Variants in MYRIP observed in about 807,000 individuals in gnomAD.
MYRIP encodes the protein rab effector MyRIP.
Under a neutral mutation model 98.0 loss-of-function variants are expected in MYRIP, and 49 were observed. That is an observed-to-expected ratio of 0.50 (90% confidence interval 0.40 to 0.63). The LOEUF (loss-of-function observed/expected upper bound fraction) is 0.63. Ranked by LOEUF, MYRIP falls within the 30% of genes least tolerant of loss-of-function variation. The pLI is 0.00. For missense variants in MYRIP, 1,004 were observed against 1,058.2 expected (o/e 0.95, Z 0.71); for synonymous variants, 404 against 409.5 (o/e 0.99, Z 0.16).
At chr3:39,969,956 T>C (rs1036506136) in intron 2 of MYRIP, among the ~76,000 whole-genome samples, 5 of 152,170 alleles carry the variant, frequency 3.3e-5, no homozygotes, top group African/African-American at 1.2e-4. Context: ...TCCCAGGCTT[T>C]TTTTGGTTGG....
intron 1 of MYRIP, among the ~76,000 whole-genome samples, chr3:39,847,874 CAGTCTTTCTCTG>C (rs553812380): frequency 2.5e-3 from 377 of 152,266 alleles, no homozygotes; most frequent in African/African-American, 8.6e-3. Context: ...CCCTGAATCC[CAGTCTTTCTCTG>C]AGTCTTTCTC....
At chr3:39,985,288 C>G (rs1946005214) in intron 2 of MYRIP, among the ~76,000 whole-genome samples, 1 of 141,032 alleles carries the variant, frequency 7.1e-6, no homozygotes, top group South Asian at 2.4e-4. Flanking sequence ...CTACAAACCA[C>G]TGCTCAAGGA....
At position 40,084,780 on chromosome 3, in the gene MYRIP, GTGTTACATGTCGATAGATAATATA is replaced by G. The variant is rs1559394175; in HGVS notation, c.332+40511_332+40534del. 1.4e-3 allele frequency among the ~76,000 whole-genome samples: 52 copies of G among 37,042 alleles called. 20 individuals are homozygous for G. The highest frequency in any genetic ancestry group is 1.6e-3 in the Non-Finnish European group (25 of 15,618). The allele number at this position is 37,042 out of a possible 152,430, so 24.3% of individuals were successfully genotyped here. ...TTACATGTCGATAGATAATATATAT[GTGTTACATGTCGATAGATAATATA>G]TATCTATGTGTTACATGTCGATAGA... On this transcript the variant is annotated intron_variant, in intron 3 of 16. Transcript: ENST00000302541.
At chr3:40,257,462 C>A (rs1953633907) in intron 16 of MYRIP, among the ~76,000 whole-genome samples, 1 of 152,062 alleles carries the variant, frequency 6.6e-6, no homozygotes, top group Admixed American at 6.6e-5. Context: ...TTGGTGATGA[C>A]CTTGAGCAGT....
At chr3:39,967,436 T>C (rs1439576294) in intron 2 of MYRIP, among the ~76,000 whole-genome samples, 2 of 152,144 alleles carry the variant, frequency 1.3e-5, no homozygotes, top group African/African-American at 4.8e-5. Context: ...TTTAGGGCTG[T>C]ATATTATTTC....
chr3:39,847,732 T>A (rs1253587403), intron 1 of MYRIP, among the ~76,000 whole-genome samples: 1 of 152,200 alleles, frequency 6.6e-6, no homozygotes, highest in Non-Finnish European at 1.5e-5. Context: ...ACTCATTCCT[T>A]CTTTTGTATG....
intron 12 of MYRIP, 152 bp downstream of exon 12, chr3:40,234,205 GTTGGAT>G (rs1390730347): frequency 6.7e-5 from 55 of 820,972 alleles, no homozygotes; most frequent in African/African-American, 9.0e-5. Flanking sequence ...AGGACCTTAG[GTTGGAT>G]TCCCCAGAAG....
At position 39,844,859 on chromosome 3, in the gene MYRIP, G is replaced by A. The variant is rs115142334; in HGVS notation, c.-31+34943G>A. On this transcript the variant is annotated intron_variant, in intron 1 of 16. Coordinates refer to ENST00000302541, the MANE Select transcript of MYRIP (RefSeq NM_015460.4). ...AGACACTTTACAAATCATTGGATCC[G>A]TTGGGTTATGCATACGGGACAGAGC... is the stretch of plus-strand genomic sequence containing the variant. Among the ~76,000 whole-genome samples the A allele has an allele frequency of 5.5e-3, 845 of 152,294 alleles. 5 individuals are homozygous for A. The highest frequency in any genetic ancestry group is 0.019 in the African/African-American group (797 of 41,552).
chr3:40,041,429 C>G (rs538799378), intron 2 of MYRIP, among the ~76,000 whole-genome samples: 2 of 149,628 alleles, frequency 1.3e-5, no homozygotes, highest in Admixed American at 1.4e-4. Flanking sequence ...CTGATTACGA[C>G]GCACTGACGA....
chr3:39,845,908 C>G (rs1370860493), intron 1 of MYRIP, among the ~76,000 whole-genome samples: 1 of 147,286 alleles, frequency 6.8e-6, no homozygotes, highest in Admixed American at 6.7e-5. Flanking sequence ...ACTGAATGAA[C>G]AGGTAAAAAC....
chr3:40,021,382 C>G (rs577404946), intron 2 of MYRIP, among the ~76,000 whole-genome samples: 7 of 152,234 alleles, frequency 4.6e-5, no homozygotes, highest in Non-Finnish European at 1.0e-4. Context: ...ATATTCTCTT[C>G]TAGATGGATT....
chr3:40,093,714 G>C (rs1055780368), intron 3 of MYRIP, among the ~76,000 whole-genome samples: 8 of 152,154 alleles, frequency 5.3e-5, no homozygotes, highest in African/African-American at 1.9e-4. Context: ...GAGGCACCAA[G>C]CTGGTCATAG....
intron 3 of MYRIP, among the ~76,000 whole-genome samples, chr3:40,146,382 A>G (rs1176166189): frequency 6.6e-6 from 1 of 152,228 alleles, no homozygotes; most frequent in African/African-American, 2.4e-5. Flanking sequence ...GTTTGTTAAA[A>G]GACAGTGTGA....
chr3:40,061,633 G>A (rs1354300458), intron 3 of MYRIP, among the ~76,000 whole-genome samples: 1 of 152,192 alleles, frequency 6.6e-6, no homozygotes, highest in Non-Finnish European at 1.5e-5. Context: ...TGGTAGTTCT[G>A]TTTTTAGTTC....
chr3:40,140,870 A>T (rs183172440), intron 3 of MYRIP, among the ~76,000 whole-genome samples: 37 of 152,266 alleles, frequency 2.4e-4, no homozygotes, highest in Non-Finnish European at 4.4e-4. Flanking sequence ...AAAAATGGAG[A>T]TCCATCCCCT....
intron 2 of MYRIP, among the ~76,000 whole-genome samples, chr3:40,003,286 AG>A (rs1946563179): frequency 2.0e-5 from 3 of 152,148 alleles, no homozygotes; most frequent in Admixed American, 2.0e-4. Flanking sequence ...GCCCCCTGTG[AG>A]GTGTCTTCAA....
At chr3:40,056,333 T>C (rs72871458) in intron 3 of MYRIP, among the ~76,000 whole-genome samples, 2,256 of 152,310 alleles carry the variant, frequency 0.015, 17 homozygotes, top group Middle Eastern at 0.044. Context: ...GGAGAACTTA[T>C]CAGGTTGGTT....
chr3:39,908,128 G>T (rs1222150164), intron 2 of MYRIP, among the ~76,000 whole-genome samples: 2 of 152,182 alleles, frequency 1.3e-5, no homozygotes. Flanking sequence ...TTGGTCTGTG[G>T]AGTAGCAGGG....
chr3:40,177,442 C>G (rs768245390), intron 8 of MYRIP, among the ~76,000 whole-genome samples: 3 of 152,144 alleles, frequency 2.0e-5, no homozygotes, highest in Non-Finnish European at 2.9e-5. Flanking sequence ...TCTCCAATGA[C>G]CCAGACACCT....
Sources: gnomAD v4.1 joint callset for allele counts (sites outside exome capture counted in the v4.1 genomes callset) on GRCh38, gnomAD v4.1.1 for gene constraint, MANE v1.5 for transcripts, NCBI Gene and HGNC (gene_info 2026-07-23, HGNC 2026-07-21) for gene names.